The following GDAP1L1 variants were observed in gnomAD, a reference collection of about 807,000 sequenced individuals.
GDAP1L1 encodes ganglioside induced differentiation associated protein 1 like 1.
A neutral mutation model predicts 37.1 loss-of-function variants in GDAP1L1; 21 were observed. The observed-to-expected ratio is 0.57, with a 90% CI of 0.40 to 0.81. The LOEUF is 0.81. Ranked by LOEUF, GDAP1L1 falls within the 40% of genes least tolerant of loss-of-function variation. The probability of loss-of-function intolerance (pLI) is 0.00; values close to 1 mark genes in which losing one functional copy is unlikely to be tolerated. For synonymous variants in GDAP1L1, 193 were observed against 209.1 expected, an observed-to-expected ratio of 0.92 and a Z score of 0.67; for missense variants, 362 against 491.6, an observed-to-expected ratio of 0.74 and a Z score of 2.49.
intron 1 of GDAP1L1, among the ~76,000 whole-genome samples, chr20:44,255,419 G>A (rs1346627642): frequency 6.6e-6 from 1 of 151,764 alleles, no homozygotes; most frequent in African/African-American, 2.4e-5. Context: ...GCATGCTCCT[G>A]TAATCCCAGC....
rs372094451 is a variant in GDAP1L1 at position 44,273,004 on chromosome 20, A to T, written c.761-5953A>T. Among the ~76,000 whole-genome samples the T allele has an allele frequency of 2.4e-4, 37 of 152,364 alleles. No homozygotes were observed. In the South Asian group the frequency reaches 2.9e-3, roughly 12 times the overall value. On this transcript the variant is annotated intron_variant, in intron 5 of 5. Coordinates refer to ENST00000342560, the MANE Select transcript of GDAP1L1 (RefSeq NM_024034.6). ...GCACACAGACCTGAGTAAAGAACTCATGTACTGAAAGCGGCCTGAGTTGAC... is the reference window on the plus strand; with the variant it reads ...GCACACAGACCTGAGTAAAGAACTCTTGTACTGAAAGCGGCCTGAGTTGAC...
chr20:44,257,504 G>A (rs1450232794), intron 2 of GDAP1L1, among the ~76,000 whole-genome samples, 159 bp downstream of exon 2: 1 of 152,104 alleles, frequency 6.6e-6, no homozygotes, highest in Non-Finnish European at 1.5e-5. Context: ...AGAGCCACAG[G>A]CAGGGTTCAG....
chr20:44,270,529 G>A (rs551557990), intron 5 of GDAP1L1, among the ~76,000 whole-genome samples: 3 of 152,242 alleles, frequency 2.0e-5, no homozygotes, highest in East Asian at 1.9e-4. Context: ...TGGAGTTCTG[G>A]AGCAGCTGAG....
chr20:44,266,821 G>A (rs1473376684), intron 5 of GDAP1L1, among the ~76,000 whole-genome samples: 1 of 152,096 alleles, frequency 6.6e-6, no homozygotes, highest in East Asian at 1.9e-4. Flanking sequence ...TAAAAGCCCT[G>A]TTTCCAAATA....
chr20:44,251,351 G>C (rs1046282859), intron 1 of GDAP1L1, among the ~76,000 whole-genome samples: 1 of 152,160 alleles, frequency 6.6e-6, no homozygotes, highest in African/African-American at 2.4e-5. Context: ...CCTCCTCTCA[G>C]GGTCTGCCCT....
At chr20:44,255,216 C>A (rs1378488488) in intron 1 of GDAP1L1, among the ~76,000 whole-genome samples, 2 of 152,094 alleles carry the variant, frequency 1.3e-5, no homozygotes, top group Admixed American at 6.5e-5. Flanking sequence ...CTATAGGACT[C>A]CCACTGGATA....
Position 44,249,301 on chromosome 20 carries a change from G to C in GDAP1L1, c.180+1787G>C, listed in dbSNP as rs34406209. Among the ~76,000 whole-genome samples, 1,112 of 152,292 alleles carry C rather than the reference G, an allele frequency of 7.3e-3. 14 individuals are homozygous for C. Among genetic ancestry groups the C allele is most frequent in the East Asian group, 0.051 (265 of 5,172 alleles). ...GATCCACTCACTTTGGCCTCCCAAAGTGCTAGTATTACAGGTGTGAGCCAC... is the reference window on the plus strand; with the variant it reads ...GATCCACTCACTTTGGCCTCCCAAACTGCTAGTATTACAGGTGTGAGCCAC... On this transcript the variant is annotated intron_variant, in intron 1 of 5. Coordinates refer to ENST00000342560, the MANE Select transcript of GDAP1L1 (RefSeq NM_024034.6).
intron 5 of GDAP1L1, among the ~76,000 whole-genome samples, chr20:44,277,652 TGGCTGCTGTGCTAAGAATAGACTCTAGGG>T (rs2062597543): frequency 1.3e-5 from 2 of 152,168 alleles, no homozygotes; most frequent in African/African-American, 2.4e-5. Flanking sequence ...ATGACCACTT[TGGCTGCTGTGCTAAGAATAGACTCTAGGG>T]GACAAGGGCA....
chr20:44,279,369 G>A lies in GDAP1L1; in HGVS notation c.*69G>A. The A allele has an allele frequency of 1.0e-6, 1 of 976,792 alleles. No homozygotes were observed. The highest frequency in any genetic ancestry group is 2.4e-5 in the East Asian group (1 of 41,982). The allele number at this position is 976,792 out of a possible 1,614,324, so 60.5% of individuals were successfully genotyped here. A position where few individuals can be genotyped will look rare whatever the true frequency, so the allele number is the denominator to read the frequency against. ...CTGTGTGATTCCCCGTGAGCTCTCA[G>A]TAACTCACTGTCTCATGAACACTTG... On this transcript the variant is annotated 3_prime_UTR_variant, in exon 6 of 6. Transcript: ENST00000342560.
chr20:44,272,002 T>C (rs565825936), intron 5 of GDAP1L1, among the ~76,000 whole-genome samples: 1 of 152,296 alleles, frequency 6.6e-6, no homozygotes, highest in East Asian at 1.9e-4. Flanking sequence ...CCAGCCGTGA[T>C]GACTCGCAGA....
At position 44,279,333 on chromosome 20, in the gene GDAP1L1, G is replaced by C; in HGVS notation, c.*33G>C. The C allele has an allele frequency of 7.3e-7, 1 of 1,377,016 alleles. No individual in the cohort carries two copies. Among genetic ancestry groups the C allele is most frequent in the South Asian group, 1.2e-5 (1 of 80,780 alleles). The allele number at this position is 1,377,016 out of a possible 1,614,324, so 85.3% of individuals were successfully genotyped here. On this transcript the variant is annotated 3_prime_UTR_variant, in exon 6 of 6. Transcript: ENST00000342560. Reference sequence around the variant, plus strand: ...CCTGGGGCTTGGTGTCTGACTGTCGGTGTCTCTGTGCTGTGTGATTCCCCG... The same window carrying C: ...CCTGGGGCTTGGTGTCTGACTGTCGCTGTCTCTGTGCTGTGTGATTCCCCG...
At chr20:44,249,121 C>T (rs6065713) in intron 1 of GDAP1L1, among the ~76,000 whole-genome samples, 23,659 of 151,660 alleles carry the variant, frequency 0.16, 2,007 homozygotes, top group Middle Eastern at 0.27. Context: ...CTGCAACTTC[C>T]GCCTCCTGGG....
Position 44,279,423 on chromosome 20 carries a change from T to G in GDAP1L1, c.*123T>G. ...AGCCCTCCCCGCCCTTCGTTCTGAG[T>G]AATAATACCGTCAGTGTGAAAACAT... On this transcript the variant is annotated 3_prime_UTR_variant, in exon 6 of 6. Transcript: ENST00000342560. 4.1e-6 allele frequency: 3 copies of G among 729,838 alleles called. No individual in the cohort carries two copies. Among genetic ancestry groups the G allele is most frequent in the Non-Finnish European group, 7.5e-6 (3 of 401,984 alleles). The allele number at this position is 729,838 out of a possible 1,614,324, so 45.2% of individuals were successfully genotyped here. A position where few individuals can be genotyped will look rare whatever the true frequency, so the allele number is the denominator to read the frequency against.
At chr20:44,276,460 G>GAAAGAAAGAAAGAAAGAAAGAA (rs371944330) in intron 5 of GDAP1L1, among the ~76,000 whole-genome samples, 119 of 150,670 alleles carry the variant, frequency 7.9e-4, no homozygotes, top group African/African-American at 2.8e-3. Context: ...AAGAAAGAAA[G>GAAAGAAAGAAAGAAAGAAAGAA]AAAGAAAAAG....
rs143135236 is a variant in GDAP1L1, at chr20:44,257,296, C to T, written c.324C>T (p.Ile108=). Reference sequence around the variant, plus strand: ...TCATCATCCACCGCGACAACATCATCAGTGACTATGACCAGATCATTGACT... The same window carrying T: ...TCATCATCCACCGCGACAACATCATTAGTGACTATGACCAGATCATTGACT... The part of the protein sequence containing the change: ...VPVIIHRDNI[I]SDYDQIIDYV... Residue 108 remains isoleucine, a synonymous_variant, in exon 2 of 6, where the codon ATC becomes ATT. Transcript: ENST00000342560. 1.0e-4 allele frequency: 161 copies of T among 1,613,952 alleles called. No homozygotes were observed. Among genetic ancestry groups the T allele is most frequent in the Non-Finnish European group, 1.3e-4 (150 of 1,179,996 alleles).
intron 1 of GDAP1L1, among the ~76,000 whole-genome samples, chr20:44,251,687 C>T (rs2073446446): frequency 6.6e-6 from 1 of 152,200 alleles, no homozygotes; most frequent in Non-Finnish European, 1.5e-5. Context: ...TCCCCAGGTC[C>T]CTCAGGAAAA....
intron 5 of GDAP1L1, among the ~76,000 whole-genome samples, chr20:44,275,856 T>C (rs1026705536): frequency 6.6e-6 from 1 of 152,124 alleles, no homozygotes; most frequent in African/African-American, 2.4e-5. Context: ...TCTTTCTTAA[T>C]CCCAAATGCA....
chr20:44,263,161 G>A lies in GDAP1L1; in HGVS notation c.548-69G>A, dbSNP rs2073703109. On this transcript the variant is annotated intron_variant, in intron 3 of 5. Transcript: ENST00000342560. ...GTTTGGATGGGGCCTACTTCAAGTT[G>A]TGTAAGGCAGGTGATGGGGGAGCAA... 12 of 1,179,768 alleles carry A rather than the reference G, an allele frequency of 1.0e-5. No individual in the cohort carries two copies. The Admixed American group carries it at 2.0e-4, about 20-fold the overall frequency. 73.1% of individuals were successfully genotyped at this position (1,179,768 alleles called of 1,614,324 possible).
At position 44,264,567 on chromosome 20, in the gene GDAP1L1, C is replaced by T. The variant is rs1157944771; in HGVS notation, c.760+8C>T. On this transcript the variant is annotated splice_region_variant and intron_variant, in intron 5 of 5. Transcript: ENST00000342560. Reference sequence around the variant, plus strand: ...GGAAGCTGGAGAACGAGGGTGGGTGCCAGCCCTGGGGGAGGTGGGGGCTGC... The same window carrying T: ...GGAAGCTGGAGAACGAGGGTGGGTGTCAGCCCTGGGGGAGGTGGGGGCTGC... 2 of 1,609,412 alleles carry T rather than the reference C, an allele frequency of 1.2e-6. No individual in the cohort carries two copies. Among genetic ancestry groups the T allele is most frequent in the East Asian group, 2.2e-5 (1 of 44,656 alleles).
Sources: allele counts gnomAD v4.1 joint callset (sites outside exome capture counted in the v4.1 genomes callset), GRCh38; gene constraint gnomAD v4.1.1; transcripts MANE v1.5; gene names NCBI Gene and HGNC (gene_info 2026-07-23, HGNC 2026-07-21).